Variants in B3GALNT2 observed in about 807,000 individuals in gnomAD.
B3GALNT2 encodes the protein beta-1,3-N-acetylgalactosaminyltransferase 2.
B3GALNT2 carries 53 observed loss-of-function variants against 61.1 expected under a neutral mutation model. The observed-to-expected ratio is 0.87, with a 90% CI of 0.70 to 1.09. B3GALNT2 has a LOEUF of 1.09. B3GALNT2 is among the 50% of genes least tolerant of loss of function. The probability of loss-of-function intolerance (pLI) is 0.00; values close to 1 mark genes in which losing one functional copy is unlikely to be tolerated. For missense variants in B3GALNT2, 544 were observed against 623.0 expected, an observed-to-expected ratio of 0.87 and a Z score of 1.35; for synonymous variants, 223 against 237.4, an observed-to-expected ratio of 0.94 and a Z score of 0.56.
In B3GALNT2 at chr1:235,453,128, C is replaced by T; in HGVS notation, c.1330G>A (p.Gly444Ser). The T allele has an allele frequency of 6.2e-7, 1 of 1,612,878 alleles. No homozygotes were observed. Among genetic ancestry groups the T allele is most frequent in the Non-Finnish European group, 8.5e-7 (1 of 1,178,954 alleles). The change falls in exon 11 of 12, where the codon GGC becomes AGC. Residue 444 changes from glycine (G) to serine (S), a missense_variant. Transcript: ENST00000366600. ...GGTCCTATGGCAGCCATCCAGATGC[C>T]CATGCTTACATCTTCACCCTATACA... ...KTYQGEDVSM[G>S]IWMAAIGPKR...
chr1:235,467,334 G>A (rs1294991041), intron 6 of B3GALNT2, among the ~76,000 whole-genome samples: 1 of 152,018 alleles, frequency 6.6e-6, no homozygotes, highest in Non-Finnish European at 1.5e-5. Context: ...GGGTGACAGA[G>A]TGAGACTCCA....
intron 7 of B3GALNT2, among the ~76,000 whole-genome samples, chr1:235,459,614 G>A (rs962869990): frequency 7.9e-5 from 12 of 152,216 alleles, no homozygotes; most frequent in East Asian, 1.9e-4. Context: ...GCAACACAGC[G>A]AGACCCTGTC....
At chr1:235,500,242 T>C (rs776505792) in intron 1 of B3GALNT2, among the ~76,000 whole-genome samples, 6 of 152,124 alleles carry the variant, frequency 3.9e-5, no homozygotes, top group African/African-American at 7.2e-5. Context: ...CCTGTAATCC[T>C]AGCACTTTGG....
chr1:235,480,942 A>C (rs911051735), intron 4 of B3GALNT2, among the ~76,000 whole-genome samples: 107 of 138,700 alleles, frequency 7.7e-4, no homozygotes, highest in African/African-American at 2.5e-3. Flanking sequence ...AAAAAAAAAA[A>C]AAACCGGACT....
At chr1:235,482,569 T>C (rs1684608451) in intron 4 of B3GALNT2, among the ~76,000 whole-genome samples, 1 of 152,062 alleles carries the variant, frequency 6.6e-6, no homozygotes, top group African/African-American at 2.4e-5. Flanking sequence ...TGAGACAATG[T>C]TTAGTCTGTG....
At chr1:235,441,499 C>G in the B3GALNT2 span, 2 of 342,458 alleles carry the variant, frequency 5.8e-6, no homozygotes, top group Non-Finnish European at 1.1e-5. Flanking sequence ...GTCAGGACAC[C>G]TAAGGAACAA....
intron 3 of B3GALNT2, among the ~76,000 whole-genome samples, chr1:235,487,317 C>G (rs549674864): frequency 6.6e-6 from 1 of 152,108 alleles, no homozygotes; most frequent in Non-Finnish European, 1.5e-5. Flanking sequence ...ATATATTGTC[C>G]AATTTATTTA....
chr1:235,492,417 A>G (rs1183992397), intron 2 of B3GALNT2, among the ~76,000 whole-genome samples: 1 of 152,210 alleles, frequency 6.6e-6, no homozygotes, highest in Non-Finnish European at 1.5e-5. Flanking sequence ...TCATAACACA[A>G]ATCAAGCACG....
chr1:235,467,171 A>G (rs1282873791), intron 6 of B3GALNT2, among the ~76,000 whole-genome samples: 1 of 151,980 alleles, frequency 6.6e-6, no homozygotes, highest in African/African-American at 2.4e-5. Flanking sequence ...ATACGGTGAA[A>G]CCCTGTCTCT....
At chr1:235,443,335 G>C (rs1256259318), downstream of B3GALNT2, among the ~76,000 whole-genome samples, 1 of 151,950 alleles carries the variant, frequency 6.6e-6, no homozygotes, top group Non-Finnish European at 1.5e-5. Flanking sequence ...CACGTAGCTG[G>C]GACTACACGT....
In B3GALNT2 at chr1:235,448,220, CAAAAAAAAAAA is replaced by C. The variant is rs59405398; in HGVS notation, c.*1975_*1985del. The C allele has an allele frequency of 1.5e-5, 8 of 531,016 alleles. No individual in the cohort carries two copies. Among genetic ancestry groups the C allele is most frequent in the African/African-American group, 3.1e-5 (1 of 32,156 alleles). The allele number at this position is 531,016 out of a possible 1,614,324, so 32.9% of individuals were successfully genotyped here. On this transcript the variant is annotated 3_prime_UTR_variant, in exon 12 of 12. Transcript: ENST00000366600. ...CTTAAGTAAGTAAGTAAGTCAGTCT[CAAAAAAAAAAA>C]AAAAAAAAAGACAGATACAGCTATC...
rs1682491043 is a variant in B3GALNT2 at position 235,447,724 on chromosome 1, ATTC to A, written c.*2479_*2481del. Among the ~76,000 whole-genome samples the A allele has an allele frequency of 6.6e-6, 1 of 152,184 alleles. No homozygotes were observed. The highest frequency in any genetic ancestry group is 6.5e-5 in the Admixed American group (1 of 15,280). On this transcript the variant is annotated 3_prime_UTR_variant, in exon 12 of 12. Coordinates refer to ENST00000366600, the MANE Select transcript of B3GALNT2 (RefSeq NM_152490.5). ...AAAACGTTAATGACTCGCTCCCTTT[ATTC>A]TTCTGTGCTGAGAGTATCATTCTGG...
chr1:235,483,845 C>T (rs1684669369), intron 4 of B3GALNT2, among the ~76,000 whole-genome samples: 1 of 152,218 alleles, frequency 6.6e-6, no homozygotes, highest in Non-Finnish European at 1.5e-5. Context: ...GATTTCCCTA[C>T]ATATCGGGAA....
chr1:235,452,625 T>G (rs1682977989), intron 11 of B3GALNT2, among the ~76,000 whole-genome samples: 1 of 151,912 alleles, frequency 6.6e-6, no homozygotes, highest in South Asian at 2.1e-4. Flanking sequence ...CACAGCTCCC[T>G]GCACCCTCGA....
At chr1:235,466,913 C>G (rs1358282753) in intron 6 of B3GALNT2, among the ~76,000 whole-genome samples, 2 of 152,114 alleles carry the variant, frequency 1.3e-5, no homozygotes, top group African/African-American at 4.8e-5. Flanking sequence ...AGTATTTTTT[C>G]TACACCTTCA....
chr1:235,481,497 C>T (rs1684563001), intron 4 of B3GALNT2, among the ~76,000 whole-genome samples: 1 of 152,084 alleles, frequency 6.6e-6, no homozygotes, highest in Admixed American at 6.6e-5. Context: ...GCAAATGCTA[C>T]CATGCCTGCC....
chr1:235,491,794 TC>T (rs1252663424), intron 2 of B3GALNT2, among the ~76,000 whole-genome samples: 1 of 151,316 alleles, frequency 6.6e-6, no homozygotes, highest in East Asian at 1.9e-4. Flanking sequence ...ACTGTCTGCC[TC>T]TCACAGTCAT....
chr1:235,473,050 G>C (rs1170638793), intron 5 of B3GALNT2, among the ~76,000 whole-genome samples: 1 of 152,150 alleles, frequency 6.6e-6, no homozygotes, highest in Non-Finnish European at 1.5e-5. Flanking sequence ...AAGTAGCTGG[G>C]ATTACAGGAA....
At chr1:235,473,471 T>G (rs868561113) in intron 5 of B3GALNT2, among the ~76,000 whole-genome samples, 1 of 152,114 alleles carries the variant, frequency 6.6e-6, no homozygotes, top group African/African-American at 2.4e-5. Flanking sequence ...TTTAGGTGAC[T>G]TGAGGAAAAG....
Sources: gnomAD v4.1 joint callset for allele counts (sites outside exome capture counted in the v4.1 genomes callset) on GRCh38, gnomAD v4.1.1 for gene constraint, MANE v1.5 for transcripts, NCBI Gene and HGNC (gene_info 2026-07-23, HGNC 2026-07-21) for gene names.